RUBCN: variants seen among roughly 807,000 people sequenced by gnomAD.
RUBCN encodes the protein run domain Beclin-1-interacting and cysteine-rich domain-containing protein.
In RUBCN, 74 loss-of-function variants were observed where a neutral mutation model predicts 113.2. That is an observed-to-expected ratio of 0.65 (90% CI 0.54 to 0.79). The LOEUF is 0.79. RUBCN is among the 30% of genes least tolerant of loss of function. The probability of loss-of-function intolerance (pLI) is 0.00; values close to 1 mark genes in which losing one functional copy is unlikely to be tolerated. For synonymous variants in RUBCN, 480 were observed against 490.0 expected, an observed-to-expected ratio of 0.98 and a Z score of 0.27; for missense variants, 1,109 against 1,251.7, an observed-to-expected ratio of 0.89 and a Z score of 1.72.
intron 11 of RUBCN, among the ~76,000 whole-genome samples, chr3:197,687,173 G>A (rs898181864): frequency 6.6e-6 from 1 of 152,122 alleles, no homozygotes; most frequent in African/African-American, 2.4e-5. Context: ...GATACCCAAC[G>A]TATCTGGGAA....
intron 11 of RUBCN, among the ~76,000 whole-genome samples, chr3:197,685,678 C>A (rs1329265368): frequency 6.6e-6 from 1 of 152,140 alleles, no homozygotes; most frequent in Admixed American, 6.5e-5. Context: ...GACAAGACAT[C>A]GACACATTTT....
rs1315769333 is a variant in RUBCN at position 197,670,440 on chromosome 3, AAC to A, written c.*4576_*4577del. Among the ~76,000 whole-genome samples the A allele has an allele frequency of 6.6e-6, 1 of 152,190 alleles. No individual in the cohort carries two copies. The highest frequency in any genetic ancestry group is 1.5e-5 in the Non-Finnish European group (1 of 68,032). ...ATCAATGGTCCTTGTTTTCCTCTTC[AAC>A]AGTCTTTCCAATTTTGGAATATGAT... On this transcript the variant is annotated 3_prime_UTR_variant, in exon 20 of 20. Transcript: ENST00000296343.
intron 7 of RUBCN, 35 bp from the exon 8 acceptor site, chr3:197,697,084 T>A (rs1245952182): frequency 1.9e-6 from 2 of 1,058,158 alleles, no homozygotes; most frequent in Non-Finnish European, 1.5e-6. Context: ...TAAAAACACA[T>A]ACGAAATGAG....
chr3:197,681,782 G>A lies in RUBCN; in HGVS notation c.2191+53C>T, dbSNP rs768893187. On this transcript the variant is annotated intron_variant, in intron 15 of 19. Coordinates refer to ENST00000296343, the MANE Select transcript of RUBCN (RefSeq NM_014687.4). This position sits in a 1 kb window ranked among gnomAD's most constrained non-coding sequence, Gnocchi z 5.5. ...GACACGCCACCTCTCCCTACGTGTCGGGGAGGGTACAGAGCCTCTGGAGGC... is the reference window on the plus strand; with the variant it reads ...GACACGCCACCTCTCCCTACGTGTCAGGGAGGGTACAGAGCCTCTGGAGGC... 4.8e-5 allele frequency: 71 copies of A among 1,488,852 alleles called. No individual in the cohort carries two copies. The highest frequency in any genetic ancestry group is 5.3e-5 in the Non-Finnish European group (57 of 1,065,906). The allele number at this position is 1,488,852 out of a possible 1,614,324, so 92.2% of individuals were successfully genotyped here.
intron 2 of RUBCN, among the ~76,000 whole-genome samples, chr3:197,713,910 TA>T (rs1186695515): frequency 6.6e-6 from 1 of 151,510 alleles, no homozygotes; most frequent in African/African-American, 2.4e-5. Context: ...CTGTCTCTAC[TA>T]AAAATACAAA....
chr3:197,694,840 A>G (rs1442587583), intron 9 of RUBCN, among the ~76,000 whole-genome samples: 2 of 152,186 alleles, frequency 1.3e-5, no homozygotes, highest in Non-Finnish European at 1.5e-5. Context: ...GAGGCCCAGG[A>G]TTTCAATCAG....
chr3:197,735,412 A>T (rs146426133), intron 1 of RUBCN, among the ~76,000 whole-genome samples: 5 of 152,306 alleles, frequency 3.3e-5, no homozygotes, highest in Non-Finnish European at 5.9e-5. Flanking sequence ...AATAAAATAA[A>T]AATAAAATAA....
In RUBCN at chr3:197,671,982, G is replaced by A. The variant is rs1487429764; in HGVS notation, c.*3036C>T. On this transcript the variant is annotated 3_prime_UTR_variant, in exon 20 of 20. Transcript: ENST00000296343. Reference sequence around the variant, plus strand: ...TGCCATTTCTTGACAGTCAAGGCAGGCTGACGAAAGACAGAATTTTATTTC... The same window carrying A: ...TGCCATTTCTTGACAGTCAAGGCAGACTGACGAAAGACAGAATTTTATTTC... 6.6e-6 allele frequency: 1 copy of A among 152,184 alleles called. No homozygotes were observed. Among genetic ancestry groups the A allele is most frequent in the Admixed American group, 6.5e-5 (1 of 15,276 alleles). 9.4% of individuals were successfully genotyped at this position (152,184 alleles called of 1,614,324 possible).
chr3:197,735,823 C>A (rs1728061692), intron 1 of RUBCN, among the ~76,000 whole-genome samples: 1 of 152,038 alleles, frequency 6.6e-6, no homozygotes, highest in African/African-American at 2.4e-5. Context: ...AACTCCTGGA[C>A]TCAAGCGACC....
At chr3:197,726,974 C>T (rs1580365377) in intron 1 of RUBCN, among the ~76,000 whole-genome samples, 1 of 141,624 alleles carries the variant, frequency 7.1e-6, no homozygotes, top group African/African-American at 2.8e-5. Flanking sequence ...GAGTTTTGCT[C>T]TGTCGCCCAG....
At chr3:197,727,176 G>A (rs75374545) in intron 1 of RUBCN, among the ~76,000 whole-genome samples, 1 of 151,652 alleles carries the variant, frequency 6.6e-6, no homozygotes, top group African/African-American at 2.4e-5. Flanking sequence ...TTGACTTCAA[G>A]TGATCTGCCT....
In RUBCN at chr3:197,695,907, G is replaced by C; in HGVS notation, c.1432C>G (p.Leu478Val). The C allele has an allele frequency of 1.2e-6, 2 of 1,614,196 alleles. No individual in the cohort carries two copies. Among genetic ancestry groups the C allele is most frequent in the Non-Finnish European group, 1.7e-6 (2 of 1,180,032 alleles). ...CAGCTGCCGAAGTCTTGCTCAGAGA[G>C]GTAGCTGATGAGGGACTGTCCTTCT... is the stretch of plus-strand genomic sequence containing the variant. ...PSEGQSLISYLSEQDFGSCAD... is the reference protein window; with the variant it reads ...PSEGQSLISYVSEQDFGSCAD... The change falls in exon 9 of 20, where the codon CTC (leucine) becomes GTC (valine). Residue 478 changes from leucine to valine, a missense_variant. Leu to Val is a conservative substitution (Grantham distance 32, BLOSUM62 1). Transcript: ENST00000296343.
In RUBCN at chr3:197,736,646, C is replaced by T; in HGVS notation, c.65+9G>A. The T allele has an allele frequency of 6.5e-7, 1 of 1,532,562 alleles. No homozygotes were observed. The highest frequency in any genetic ancestry group is 1.4e-5 in the African/African-American group (1 of 72,994). The allele number at this position is 1,532,562 out of a possible 1,614,324, so 94.9% of individuals were successfully genotyped here. A position where few individuals can be genotyped will look rare whatever the true frequency, so the allele number is the denominator to read the frequency against. On this transcript the variant is annotated intron_variant, in intron 1 of 19. Transcript: ENST00000296343. The stretch of plus-strand genomic sequence containing the variant: ...CGCTGCCCCGACTCCGCGGCGGCTC[C>T]CAGCCCACCTGCTCTCCTCAGGCAG...
In RUBCN at chr3:197,670,848, A is replaced by T. The variant is rs1231466929; in HGVS notation, c.*4170T>A. Among the ~76,000 whole-genome samples the T allele has an allele frequency of 6.6e-6, 1 of 152,226 alleles. No individual in the cohort carries two copies. Among genetic ancestry groups the T allele is most frequent in the African/African-American group, 2.4e-5 (1 of 41,460 alleles). ...CATTTGGGATGTGTGTCCTCTGATG[A>T]TGACTGCTGGACAAACACAACAGGA... On this transcript the variant is annotated 3_prime_UTR_variant, in exon 20 of 20. Transcript: ENST00000296343.
intron 1 of RUBCN, among the ~76,000 whole-genome samples, chr3:197,724,123 C>T (rs1726472069): frequency 6.6e-6 from 1 of 152,126 alleles, no homozygotes; most frequent in African/African-American, 2.4e-5. Flanking sequence ...ATACCAACTA[C>T]CTTCTTCTGG....
chr3:197,702,842 A>C (rs1208054571), intron 5 of RUBCN, among the ~76,000 whole-genome samples: 3 of 152,134 alleles, frequency 2.0e-5, no homozygotes, highest in Non-Finnish European at 4.4e-5. Flanking sequence ...AATTTTCTTT[A>C]CATCAAAGAA....
chr3:197,721,220 C>A (rs768822922), intron 1 of RUBCN, among the ~76,000 whole-genome samples: 2 of 152,120 alleles, frequency 1.3e-5, no homozygotes, highest in East Asian at 1.9e-4. Context: ...TGGTAGAATT[C>A]GGCAGTGACA....
rs1724077459 is a variant in RUBCN at position 197,704,634 on chromosome 3, A to C, written c.371T>G (p.Leu124Arg). 2 of 1,614,154 alleles carry C rather than the reference A, an allele frequency of 1.2e-6. No homozygotes were observed. Among genetic ancestry groups the C allele is most frequent in the East Asian group, 4.5e-5 (2 of 44,878 alleles). ...GTACTGCAGGCTGTGCTGCAGCCAC[A>C]GCTCGGCAACAGCACGTTCACTGGC... Reference protein sequence around the residue: ...DGASERAVAELWLQHSLQYHC... With the variant: ...DGASERAVAERWLQHSLQYHC... The change falls in exon 4 of 20, where the codon CTG becomes CGG. Residue 124 changes from leucine to arginine, a missense_variant. By Grantham distance (102) the Leu-to-Arg change is moderately radical. Around this residue, in one of 3 missense-constraint regions of RUBCN, gnomAD observed 736 missense variants for 779.6 expected, o/e 0.94. Coordinates refer to ENST00000296343, the MANE Select transcript of RUBCN (RefSeq NM_014687.4).
rs113754961 is a variant in RUBCN at position 197,679,432 on chromosome 3, G to A, written c.2430+1697C>T. ...CTGTCCTACGCTCTAACTGACAACT[G>A]GCTTCAGACTGTCCTACGCTCTGAC... On this transcript the variant is annotated intron_variant, in intron 16 of 19. Coordinates refer to ENST00000296343, the MANE Select transcript of RUBCN (RefSeq NM_014687.4). Among the ~76,000 whole-genome samples the A allele has an allele frequency of 7.6e-3, 1,102 of 144,858 alleles. 10 individuals are homozygous for A. The highest frequency in any genetic ancestry group is 0.029 in the South Asian group (129 of 4,482).
Sources: allele counts gnomAD v4.1 joint callset (sites outside exome capture counted in the v4.1 genomes callset), GRCh38; gene constraint gnomAD v4.1.1; regional missense constraint gnomAD v4.1.1; non-coding constraint Gnocchi (gnomAD v3.1); transcripts MANE v1.5; gene names NCBI Gene and HGNC (gene_info 2026-07-23, HGNC 2026-07-21).